Variants in DNAH17 observed in about 807,000 individuals in gnomAD.
DNAH17 encodes dynein axonemal heavy chain 17.
A neutral mutation model predicts 485.6 loss-of-function variants in DNAH17; 376 were observed. The observed-to-expected ratio is 0.77, with a 90% CI of 0.71 to 0.84. The LOEUF (loss-of-function observed/expected upper bound fraction) is 0.84. DNAH17 is among the 40% of genes least tolerant of loss of function. The pLI is 0.00. For missense variants in DNAH17, 6,370 were observed against 5,839.3 expected (o/e 1.09, Z -2.96); for synonymous variants, 3,031 against 2,405.9 (o/e 1.26, Z -7.60).
At chr17:78,475,855 C>T (rs776755592) in intron 52 of DNAH17, 22 bp from the exon 53 acceptor site, 36 of 1,605,010 alleles carry the variant, frequency 2.2e-5, no homozygotes, top group African/African-American at 6.8e-5. Context: ...AAAAAAAAGA[C>T]GATACTTCCG....
chr17:78,516,391 T>C (rs999829478), intron 25 of DNAH17, among the ~76,000 whole-genome samples: 50 of 152,172 alleles, frequency 3.3e-4, no homozygotes, highest in African/African-American at 1.2e-3. Context: ...GCCACTCATG[T>C]AAAAGAAACT....
intron 34 of DNAH17, 74 bp from the exon 35 acceptor site, chr17:78,501,418 C>T: frequency 1.3e-6 from 2 of 1,498,394 alleles, no homozygotes; most frequent in Non-Finnish European, 1.8e-6. Context: ...GGCCAGCATG[C>T]CTCCAAGGCC....
intron 77 of DNAH17, chr17:78,428,196 A>C: frequency 2.0e-5 from 8 of 396,152 alleles, no homozygotes; most frequent in Admixed American, 7.2e-5. Context: ...AGGGTGGGGA[A>C]TGGTCGGTGC....
At chr17:78,503,719 A>G (rs551823315) in intron 31 of DNAH17, among the ~76,000 whole-genome samples, 16 of 152,078 alleles carry the variant, frequency 1.1e-4, no homozygotes, top group African/African-American at 3.9e-4. Context: ...TAATCCCAGC[A>G]CTTTGGGAGG....
At chr17:78,429,500 A>G (rs537815123) in intron 75 of DNAH17, among the ~76,000 whole-genome samples, 200 bp from the exon 76 acceptor site, 11 of 152,156 alleles carry the variant, frequency 7.2e-5, no homozygotes, top group Non-Finnish European at 1.0e-4. Context: ...CCGCGCCACC[A>G]GACGCCAATG....
At chr17:78,441,895 A>G (rs146825560) in intron 71 of DNAH17, among the ~76,000 whole-genome samples, 1 of 151,936 alleles carries the variant, frequency 6.6e-6, no homozygotes, top group African/African-American at 2.4e-5. Context: ...GACCAGCCTG[A>G]CCAACATGAC....
intron 58 of DNAH17, among the ~76,000 whole-genome samples, chr17:78,461,122 G>GC (rs1464786657): frequency 1.3e-5 from 2 of 152,008 alleles, no homozygotes; most frequent in Non-Finnish European, 2.9e-5. Context: ...TACCCTCTCG[G>GC]GGGGGGCCCG....
intron 15 of DNAH17, among the ~76,000 whole-genome samples, chr17:78,551,912 G>A (rs111264906): frequency 0.011 from 1,616 of 151,174 alleles, 38 homozygotes; most frequent in African/African-American, 0.036. Flanking sequence ...GCAGTGAGCC[G>A]AGATTGTGCC....
chr17:78,488,329 C>G (rs980150841), intron 44 of DNAH17, among the ~76,000 whole-genome samples: 33 of 152,316 alleles, frequency 2.2e-4, no homozygotes, highest in Non-Finnish European at 2.8e-4. Context: ...AGGGCTGCTC[C>G]TGCTGTCTGG....
chr17:78,456,282 G>A (rs543149331), intron 62 of DNAH17, among the ~76,000 whole-genome samples: 117 of 152,280 alleles, frequency 7.7e-4, no homozygotes, highest in African/African-American at 2.7e-3. Context: ...CTGGGTAACA[G>A]AGCAAGACTT....
chr17:78,428,648 C>G lies in DNAH17; in HGVS notation c.12465G>C (p.Leu4155=). Residue 4155 remains leucine, a synonymous_variant, in exon 77 of 81, where the codon CTG becomes CTC. Coordinates refer to ENST00000389840, the MANE Select transcript of DNAH17 (RefSeq NM_173628.4). ...LPPESPYLYG[L]HPNAEIGFLT... ...GAAAGCCAATCTCTGCGTTGGGGTG[C>G]AGGCCATACAGATAGGGACTCTCAG... 6.2e-7 allele frequency: 1 copy of G among 1,614,002 alleles called. No individual in the cohort carries two copies. The highest frequency in any genetic ancestry group is 8.5e-7 in the Non-Finnish European group (1 of 1,179,902).
At chr17:78,546,120 G>C (rs1025570240) in intron 16 of DNAH17, among the ~76,000 whole-genome samples, 1 of 152,154 alleles carries the variant, frequency 6.6e-6, no homozygotes, top group Non-Finnish European at 1.5e-5. Context: ...GGGACCACAG[G>C]TGTTGTCCAG....
intron 54 of DNAH17, among the ~76,000 whole-genome samples, chr17:78,473,282 C>T (rs932951987): frequency 5.3e-5 from 8 of 152,158 alleles, no homozygotes; most frequent in African/African-American, 1.7e-4. Flanking sequence ...CAGTGGCTCA[C>T]GCCTGTAATC....
chr17:78,534,817 C>T (rs4969210), intron 19 of DNAH17, among the ~76,000 whole-genome samples: 4,496 of 152,258 alleles, frequency 0.03, 142 homozygotes, highest in East Asian at 0.12. Flanking sequence ...ATCCCTGTGG[C>T]AGCCTGGGGC....
In DNAH17 at chr17:78,450,373, C is replaced by T; in HGVS notation, c.10921G>A (p.Glu3641Lys). The T allele has an allele frequency of 6.2e-7, 1 of 1,613,982 alleles. No individual in the cohort carries two copies. The highest frequency in any genetic ancestry group is 8.5e-7 in the Non-Finnish European group (1 of 1,179,890). ...TCTCTCGCTTCGTTGATTTTAACTT[C>T]TGTGATTTTTGCCTCCACCACCTCG... ...EEKVVEAKIT[E>K]VKINEARENY... The change falls in exon 68 of 81, where the codon GAA (glutamate) becomes AAA (lysine). Residue 3641 changes from glutamate to lysine, a missense_variant. Glu to Lys is a moderately conservative substitution (Grantham distance 56). Coordinates refer to ENST00000389840, the MANE Select transcript of DNAH17 (RefSeq NM_173628.4).
intron 48 of DNAH17, among the ~76,000 whole-genome samples, chr17:78,482,028 A>T (rs1000079553): frequency 6.6e-6 from 1 of 151,900 alleles, no homozygotes; most frequent in Non-Finnish European, 1.5e-5. Context: ...AATAAAATAA[A>T]ATAAGCTGAA....
intron 18 of DNAH17, among the ~76,000 whole-genome samples, chr17:78,539,483 C>G (rs2091464517): frequency 6.6e-6 from 1 of 152,114 alleles, no homozygotes; most frequent in African/African-American, 2.4e-5. Flanking sequence ...CCTCTTAGGT[C>G]TCTTGAGGTT....
rs1452122427 is a variant in DNAH17 at position 78,571,856 on chromosome 17, C to A, written c.540-74G>T. 9 of 1,416,598 alleles carry A rather than the reference C, an allele frequency of 6.4e-6. No homozygotes were observed. In the East Asian group the frequency reaches 2.1e-4, roughly 33 times the overall value. The allele number at this position is 1,416,598 out of a possible 1,614,324, so 87.8% of individuals were successfully genotyped here. A position where few individuals can be genotyped will look rare whatever the true frequency, so the allele number is the denominator to read the frequency against. On this transcript the variant is annotated intron_variant, in intron 3 of 80. Coordinates refer to ENST00000389840, the MANE Select transcript of DNAH17 (RefSeq NM_173628.4). ...GGTCCCACCAAGCTCTCCCATGAAT[C>A]CTTCTGCCCACCAATCCCAAACCAC...
chr17:78,442,234 T>C (rs1054112154), intron 71 of DNAH17, among the ~76,000 whole-genome samples: 2 of 152,202 alleles, frequency 1.3e-5, no homozygotes, highest in South Asian at 2.1e-4. Flanking sequence ...AAGGCTCTGC[T>C]CACACTCATG....
Sources: gnomAD v4.1 joint callset for allele counts (sites outside exome capture counted in the v4.1 genomes callset) on GRCh38, gnomAD v4.1.1 for gene constraint, MANE v1.5 for transcripts, NCBI Gene and HGNC (gene_info 2026-07-23, HGNC 2026-07-21) for gene names.